GPC3: variants seen among roughly 807,000 people sequenced by gnomAD.
The protein encoded by GPC3 is glypican 3, also known as glypican-3.
In GPC3, 3 loss-of-function variants were observed where a neutral mutation model predicts 34.4. That is an observed-to-expected ratio of 0.09 (90% CI 0.04 to 0.23). The LOEUF (loss-of-function observed/expected upper bound fraction) is 0.23, where lower values mean the gene tolerates loss of function less well. Among genes scored for constraint, GPC3 ranks in the 10% least tolerant of loss-of-function variants. The pLI is 1.00. For missense variants in GPC3, 351 were observed against 445.6 expected, an observed-to-expected ratio of 0.79 and a Z score of 1.91; for synonymous variants, 177 against 174.0, an observed-to-expected ratio of 1.02 and a Z score of -0.13.
intron 6 of GPC3, among the ~76,000 whole-genome samples, chrX:133,650,492 TA>T (rs944913505): frequency 9.3e-6 from 1 of 107,121 alleles, no homozygotes; most frequent in East Asian, 3.0e-4. Context: ...CACACACATA[TA>T]AAAAATCGTC....
At chrX:133,673,166 C>A (rs767111202) in intron 5 of GPC3, among the ~76,000 whole-genome samples, 1 of 110,568 alleles carries the variant, frequency 9.0e-6, no homozygotes, top group Non-Finnish European at 1.9e-5. Flanking sequence ...GTCTTGAACT[C>A]CGACCTCGTG....
chrX:133,701,481 AT>A (rs2071167195), intron 3 of GPC3, among the ~76,000 whole-genome samples: 1 of 112,144 alleles, frequency 8.9e-6, no homozygotes, highest in African/African-American at 3.2e-5. Flanking sequence ...TACATTCTCC[AT>A]TGTAGAAAAA....
Position 133,753,601 on chromosome X carries a change from C to T in GPC3, c.913G>A (p.Glu305Lys), listed in dbSNP as rs903266102. The part of the protein sequence containing the change: ...YWREYILSLE[E>K]LVNGMYRIYD... ...ATTCTGTACATGCCATTCACAAGTT[C>T]TTCAAGGGACAGAATGTATTCTCTC... Residue 305 changes from glutamate (E) to lysine (K), a missense_variant, in exon 3 of 8, where the codon GAA becomes AAA. Transcript: ENST00000370818. 1 of 1,209,100 alleles carries T rather than the reference C, an allele frequency of 8.3e-7. No individual in the cohort carries two copies. Among genetic ancestry groups the T allele is most frequent in the African/African-American group, 1.7e-5 (1 of 57,762 alleles).
chrX:133,558,295 CTTT>C (rs11405813), intron 7 of GPC3, among the ~76,000 whole-genome samples: 1 of 94,689 alleles, frequency 1.1e-5, no homozygotes, highest in African/African-American at 3.9e-5. Context: ...TCAATTTGGG[CTTT>C]TTTTTTTTTT....
intron 7 of GPC3, among the ~76,000 whole-genome samples, chrX:133,549,860 C>T (rs1844710968): frequency 1.0e-5 from 1 of 96,143 alleles, no homozygotes; most frequent in African/African-American, 3.9e-5. Context: ...TCCTTCCCTC[C>T]CTCTCTCTCT....
chrX:133,552,599 G>A (rs1439606054), intron 7 of GPC3, among the ~76,000 whole-genome samples: 1 of 111,828 alleles, frequency 8.9e-6, no homozygotes. Context: ...CGGTAAAGAT[G>A]GTCATATGAG....
chrX:133,671,902 G>A (rs191976136), intron 5 of GPC3, among the ~76,000 whole-genome samples: 6 of 111,488 alleles, frequency 5.4e-5, no homozygotes. Flanking sequence ...GAGAACATGC[G>A]GTGTTTGGTG....
At chrX:133,892,790 C>T (rs370640906) in intron 2 of GPC3, among the ~76,000 whole-genome samples, 1 of 110,528 alleles carries the variant, frequency 9.0e-6, no homozygotes, top group African/African-American at 3.3e-5. Context: ...TCCACACAAC[C>T]GGCTAGTCAG....
At position 133,624,821 on chromosome X, in the gene GPC3, AG is replaced by A. The variant is rs1209922969; in HGVS notation, c.1414-28223del. Among the ~76,000 whole-genome samples, 112 of 111,012 alleles carry A rather than the reference AG, an allele frequency of 1.0e-3. 1 individual carries two copies. The highest frequency in any genetic ancestry group is 1.6e-3 in the Non-Finnish European group (85 of 52,930). The stretch of plus-strand genomic sequence containing the variant: ...CCCTAACTCATTTTATGAGGCCAGT[AG>A]TCTCCTGATACCAAAGCCTGGCAGT... On this transcript the variant is annotated intron_variant, in intron 6 of 7. Coordinates refer to ENST00000370818, the MANE Select transcript of GPC3 (RefSeq NM_004484.4).
intron 2 of GPC3, among the ~76,000 whole-genome samples, chrX:133,757,614 T>C (rs756352691): frequency 4.5e-5 from 5 of 111,558 alleles, no homozygotes; most frequent in South Asian, 3.9e-4. Flanking sequence ...AAGAGAGGAA[T>C]AAATGAACCA....
At chrX:133,899,909 T>C (rs987233263) in intron 2 of GPC3, among the ~76,000 whole-genome samples, 1 of 111,395 alleles carries the variant, frequency 9.0e-6, no homozygotes, top group African/African-American at 3.3e-5. Flanking sequence ...TTCAAGCAAT[T>C]CTCTTGCGTC....
At chrX:133,871,634 C>T (rs2075994364) in intron 2 of GPC3, among the ~76,000 whole-genome samples, 1 of 112,033 alleles carries the variant, frequency 8.9e-6, no homozygotes, top group African/African-American at 3.2e-5. Context: ...TTTAAAAATA[C>T]CAGGCAAGAG....
intron 5 of GPC3, among the ~76,000 whole-genome samples, chrX:133,688,428 A>G (rs950244236): frequency 2.7e-5 from 3 of 111,773 alleles, no homozygotes; most frequent in Admixed American, 1.9e-4. Flanking sequence ...TCATATTTCA[A>G]TTGATTGCAT....
intron 2 of GPC3, among the ~76,000 whole-genome samples, chrX:133,924,750 T>C (rs899775342): frequency 8.9e-6 from 1 of 111,747 alleles, no homozygotes; most frequent in Non-Finnish European, 1.9e-5. Flanking sequence ...GTCAAAAACA[T>C]GTTAGCCCAT....
At chrX:133,967,190 G>C (rs2076467684) in intron 1 of GPC3, among the ~76,000 whole-genome samples, 1 of 112,090 alleles carries the variant, frequency 8.9e-6, no homozygotes, top group Non-Finnish European at 1.9e-5. Context: ...TCCTAAAATT[G>C]AGGGAAATAT....
chrX:133,809,086 GAGA>G (rs1569437466), intron 2 of GPC3, among the ~76,000 whole-genome samples: 2 of 111,911 alleles, frequency 1.8e-5, no homozygotes, highest in Non-Finnish European at 3.8e-5. Flanking sequence ...TGTGAATAAG[GAGA>G]AGAAGTGAAC....
rs1347972018 is a variant in GPC3, at chrX:133,705,582, A to G, written c.1033-5554T>C. On this transcript the variant is annotated intron_variant, in intron 3 of 7. Transcript: ENST00000370818. ...AGTAAATGGTAGAGCTGAGGCTTGA[A>G]TGCTGGTCTGTCTGATTCTAAAACC... is the stretch of plus-strand genomic sequence containing the variant. 5.3e-5 allele frequency among the ~76,000 whole-genome samples: 6 copies of G among 112,241 alleles called. No individual in the cohort carries two copies. The Admixed American group carries it at 5.7e-4, about 11-fold the overall frequency.
Position 133,788,402 on chromosome X carries a change from T to C in GPC3, c.338-34226A>G, listed in dbSNP as rs1603247543. Among the ~76,000 whole-genome samples, 3 of 109,347 alleles carry C rather than the reference T, an allele frequency of 2.7e-5. No homozygotes were observed. In the South Asian group the frequency reaches 1.2e-3, roughly 44 times the overall value. The allele number at this position is 109,347 out of a possible 115,157, so 95.0% of individuals were successfully genotyped here. A position where few individuals can be genotyped will look rare whatever the true frequency, so the allele number is the denominator to read the frequency against. ...GGGATTAGATGCTTTCTCACTATTA[T>C]GAATTCTCCAATGATCTATGATCAA... On this transcript the variant is annotated intron_variant, in intron 2 of 7. Transcript: ENST00000370818.
At chrX:133,846,567 A>G (rs2124555687) in intron 2 of GPC3, among the ~76,000 whole-genome samples, 1 of 111,881 alleles carries the variant, frequency 8.9e-6, no homozygotes, top group East Asian at 2.8e-4. Context: ...TAAATTTATT[A>G]TACTGAACTT....
Sources: gnomAD v4.1 joint callset for allele counts (sites outside exome capture counted in the v4.1 genomes callset) on GRCh38, gnomAD v4.1.1 for gene constraint, MANE v1.5 for transcripts, NCBI Gene and HGNC (gene_info 2026-07-23, HGNC 2026-07-21) for gene names.